Variants in MDGA2 observed in about 807,000 individuals in gnomAD.
MDGA2 encodes MAM domain-containing glycosylphosphatidylinositol anchor protein 2.
Under a neutral mutation model 117.8 loss-of-function variants are expected in MDGA2, and 40 were observed. The observed-to-expected ratio is 0.34, with a 90% CI of 0.26 to 0.44. The LOEUF is 0.44. MDGA2 is among the 20% of genes least tolerant of loss of function. The pLI is 1.00. For missense variants in MDGA2, 1,123 were observed against 1,250.6 expected (o/e 0.90, Z 1.54); for synonymous variants, 452 against 439.0 (o/e 1.03, Z -0.37).
chr14:47,383,052 T>A (rs181685279), intron 1 of MDGA2, among the ~76,000 whole-genome samples: 3 of 152,252 alleles, frequency 2.0e-5, no homozygotes, highest in Non-Finnish European at 4.4e-5. Flanking sequence ...ATGTCCTTTG[T>A]AGGGACATGG....
At chr14:47,619,550 C>A (rs899952328) in intron 1 of MDGA2, among the ~76,000 whole-genome samples, 8 of 152,168 alleles carry the variant, frequency 5.3e-5, no homozygotes, top group Non-Finnish European at 8.8e-5. Context: ...ATAAAGGGCA[C>A]AGTGACACAT....
At chr14:46,892,034 A>G (rs1005655763) in intron 10 of MDGA2, among the ~76,000 whole-genome samples, 1 of 151,822 alleles carries the variant, frequency 6.6e-6, no homozygotes, top group African/African-American at 2.4e-5. Context: ...CTAATGGAAA[A>G]CATCAATCCT....
At chr14:47,566,520 A>G (rs1229179943) in intron 1 of MDGA2, among the ~76,000 whole-genome samples, 2 of 151,942 alleles carry the variant, frequency 1.3e-5, no homozygotes, top group African/African-American at 4.8e-5. Context: ...CCCACATTAA[A>G]CCCTCTGGGC....
intron 9 of MDGA2, among the ~76,000 whole-genome samples, chr14:46,943,970 T>G (rs1429053826): frequency 6.6e-6 from 1 of 152,084 alleles, no homozygotes; most frequent in Non-Finnish European, 1.5e-5. Context: ...CAGGCTGCTA[T>G]TTGTTGACCC....
intron 1 of MDGA2, among the ~76,000 whole-genome samples, chr14:47,587,144 C>T (rs527617656): frequency 4.0e-5 from 6 of 151,740 alleles, no homozygotes; most frequent in Non-Finnish European, 7.4e-5. Flanking sequence ...TAACAAAATA[C>T]GCTGGGGCCT....
At chr14:47,198,566 C>T (rs1043698595) in intron 3 of MDGA2, among the ~76,000 whole-genome samples, 13 of 151,202 alleles carry the variant, frequency 8.6e-5, no homozygotes, top group South Asian at 8.4e-4. Context: ...AGCGAGACTC[C>T]GTCTCAAAAA....
chr14:47,349,182 T>C (rs554751667), intron 1 of MDGA2, among the ~76,000 whole-genome samples: 131 of 152,288 alleles, frequency 8.6e-4, no homozygotes, highest in Non-Finnish European at 1.4e-3. Context: ...TACAACGTGA[T>C]AGGGAGACAA....
At chr14:47,355,567 G>T (rs1413064971) in intron 1 of MDGA2, among the ~76,000 whole-genome samples, 1 of 150,782 alleles carries the variant, frequency 6.6e-6, no homozygotes, top group South Asian at 2.1e-4. Flanking sequence ...TGCAGGCTTT[G>T]CACTCTCTAG....
chr14:47,097,252 T>G (rs1420945031), intron 5 of MDGA2, 129 bp from the exon 6 acceptor site: 11 of 887,824 alleles, frequency 1.2e-5, no homozygotes, highest in Non-Finnish European at 1.9e-5. Context: ...AAAATCATAC[T>G]GTATTACTCA....
At chr14:46,885,884 C>CTAAG (rs2138402615) in intron 10 of MDGA2, among the ~76,000 whole-genome samples, 1 of 152,204 alleles carries the variant, frequency 6.6e-6, no homozygotes, top group South Asian at 2.1e-4. Flanking sequence ...GTTTAAGAAA[C>CTAAG]CTTAGTCTTT....
chr14:47,291,135 G>A (rs147120085), intron 2 of MDGA2, among the ~76,000 whole-genome samples: 33 of 152,256 alleles, frequency 2.2e-4, no homozygotes, highest in Admixed American at 1.2e-3. Flanking sequence ...GCAGTAAGGC[G>A]ATTTTCACTG....
At chr14:46,946,288 C>T (rs1035132666) in intron 9 of MDGA2, among the ~76,000 whole-genome samples, 1 of 151,850 alleles carries the variant, frequency 6.6e-6, no homozygotes, top group Admixed American at 6.6e-5. Flanking sequence ...TATGATATAA[C>T]TTTATTGCTT....
intron 1 of MDGA2, among the ~76,000 whole-genome samples, chr14:47,498,773 G>A (rs951068498): frequency 6.6e-6 from 1 of 152,032 alleles, no homozygotes; most frequent in Non-Finnish European, 1.5e-5. Context: ...TTCAATTCTT[G>A]CACTGAAAAG....
At chr14:47,566,859 C>A (rs1409416629) in intron 1 of MDGA2, among the ~76,000 whole-genome samples, 1 of 151,740 alleles carries the variant, frequency 6.6e-6, no homozygotes, top group Non-Finnish European at 1.5e-5. Context: ...TGTCCCAGTT[C>A]CTTGGTGGTA....
intron 1 of MDGA2, among the ~76,000 whole-genome samples, chr14:47,488,989 T>C (rs926254516): frequency 6.6e-6 from 1 of 152,020 alleles, no homozygotes; most frequent in Non-Finnish European, 1.5e-5. Flanking sequence ...TAATTAAAAT[T>C]AAACAACATA....
intron 8 of MDGA2, among the ~76,000 whole-genome samples, chr14:47,027,190 T>C (rs552199381): frequency 5.2e-4 from 79 of 151,708 alleles, no homozygotes; most frequent in Middle Eastern, 3.4e-3. Flanking sequence ...ACCTATAAAA[T>C]AAATTTAACT....
In MDGA2 at chr14:47,530,874, T is replaced by G. The variant is rs181549223; in HGVS notation, c.280+143643A>C. On this transcript the variant is annotated intron_variant, in intron 1 of 16. Coordinates refer to ENST00000399232, the MANE Select transcript of MDGA2 (RefSeq NM_001113498.3). ...ATAAAACAAATATTTTTTCTAGTGT[T>G]CACCTTACCTAAATTATAAGTAAAT... Among the ~76,000 whole-genome samples, 858 of 152,306 alleles carry G rather than the reference T, an allele frequency of 5.6e-3. 5 individuals are homozygous for G. Among genetic ancestry groups the G allele is most frequent in the Non-Finnish European group, 9.6e-3 (654 of 68,030 alleles).
In MDGA2 at chr14:47,247,173, C is replaced by A. The variant is rs529673819; in HGVS notation, c.421-28978G>T. On this transcript the variant is annotated intron_variant, in intron 2 of 16. Coordinates refer to ENST00000399232, the MANE Select transcript of MDGA2 (RefSeq NM_001113498.3). ...AAACCTTGCAGGACAAGAGGTGCTG[C>A]GTCTGCTGAACCTGCATCTTTGGGA... Among the ~76,000 whole-genome samples the A allele has an allele frequency of 7.9e-5, 12 of 151,844 alleles. No homozygotes were observed. In the South Asian group the frequency reaches 2.3e-3, roughly 29 times the overall value.
intron 1 of MDGA2, among the ~76,000 whole-genome samples, chr14:47,465,005 CCTACATGAATGGAA>C (rs1280975374): frequency 6.6e-6 from 1 of 152,040 alleles, no homozygotes; most frequent in African/African-American, 2.4e-5. Flanking sequence ...AAAACAGGCA[CCTACATGAATGGAA>C]CAGAATAGAG....
Sources: gnomAD v4.1 joint callset for allele counts (sites outside exome capture counted in the v4.1 genomes callset) on GRCh38, gnomAD v4.1.1 for gene constraint, MANE v1.5 for transcripts, NCBI Gene and HGNC (gene_info 2026-07-23, HGNC 2026-07-21) for gene names.